TULP4: variants seen among roughly 807,000 people sequenced by gnomAD.
TULP4 encodes TUB like protein 4.
In TULP4, 16 loss-of-function variants were observed where a neutral mutation model predicts 129.0. That is an observed-to-expected ratio of 0.12 (90% confidence interval 0.08 to 0.19). TULP4 has a LOEUF of 0.19. Ranked by LOEUF, TULP4 falls within the 10% of genes least tolerant of loss-of-function variation. The pLI is 1.00. For synonymous variants in TULP4, 998 were observed against 854.0 expected (o/e 1.17, Z -2.94); for missense variants, 1,842 against 2,059.1 (o/e 0.89, Z 2.04).
chr6:158,449,960 C>T (rs1158060129), intron 4 of TULP4, among the ~76,000 whole-genome samples: 1 of 152,000 alleles, frequency 6.6e-6, no homozygotes, highest in African/African-American at 2.4e-5. Context: ...GTATAGTGAT[C>T]AGATCATTTT....
chr6:158,423,616 GTTAT>G (rs1207211843), intron 2 of TULP4, among the ~76,000 whole-genome samples: 1 of 138,644 alleles, frequency 7.2e-6, no homozygotes, highest in Non-Finnish European at 1.5e-5. Context: ...CTTGTTTGTT[GTTAT>G]TTGTTTTTGT....
intron 3 of TULP4, chr6:158,437,890 CT>C (rs1778787619): frequency 6.6e-6 from 1 of 152,150 alleles, no homozygotes; most frequent in African/African-American, 2.4e-5. Flanking sequence ...CTGTGGTTTG[CT>C]ATGTCATTCA....
chr6:158,450,960 G>A (rs1413618349), intron 4 of TULP4, among the ~76,000 whole-genome samples: 1 of 152,116 alleles, frequency 6.6e-6, no homozygotes, highest in East Asian at 1.9e-4. Flanking sequence ...AGCTACTCCG[G>A]AGGCTGAGGC....
upstream of TULP4, among the ~76,000 whole-genome samples, chr6:158,282,006 G>A (rs577583948): frequency 5.3e-5 from 8 of 152,144 alleles, no homozygotes; most frequent in South Asian, 1.7e-3. Context: ...TTCAGGCCAA[G>A]TTTTTTATAG....
intron 10 of TULP4, among the ~76,000 whole-genome samples, chr6:158,494,021 C>G (rs9364967): frequency 0.19 from 29,477 of 152,116 alleles, 3,835 homozygotes; most frequent in East Asian, 0.52. Flanking sequence ...TGCCCCCTCA[C>G]CCTCCGGGTG....
intron 6 of TULP4, among the ~76,000 whole-genome samples, chr6:158,469,264 G>A (rs963574784): frequency 2.0e-5 from 3 of 151,444 alleles, no homozygotes; most frequent in African/African-American, 7.3e-5. Context: ...CAGTACTAGT[G>A]AAAACAGACC....
At chr6:158,408,001 T>A (rs563521585) in intron 1 of TULP4, among the ~76,000 whole-genome samples, 2 of 152,244 alleles carry the variant, frequency 1.3e-5, no homozygotes, top group African/African-American at 4.8e-5. Context: ...AAAGCTGTTA[T>A]CCAACCCCTT....
intron 6 of TULP4, among the ~76,000 whole-genome samples, chr6:158,475,062 A>G (rs939468453): frequency 1.3e-5 from 2 of 152,268 alleles, no homozygotes; most frequent in African/African-American, 4.8e-5. Flanking sequence ...AGATAAAAAA[A>G]TGATTGGCTG....
chr6:158,422,552 T>C (rs1237631841), intron 2 of TULP4, among the ~76,000 whole-genome samples: 1 of 151,876 alleles, frequency 6.6e-6, no homozygotes, highest in Non-Finnish European at 1.5e-5. Flanking sequence ...CACGGACACA[T>C]GTGGAGCGGT....
chr6:158,450,430 C>T (rs2115137519), intron 4 of TULP4, among the ~76,000 whole-genome samples: 2 of 152,302 alleles, frequency 1.3e-5, no homozygotes, highest in Admixed American at 1.3e-4. Context: ...CAGCAGCAGA[C>T]ACGTATGTGT....
At chr6:158,462,906 C>A (rs912963805) in intron 6 of TULP4, among the ~76,000 whole-genome samples, 1 of 152,050 alleles carries the variant, frequency 6.6e-6, no homozygotes, top group South Asian at 2.1e-4. Flanking sequence ...CCCGCCACCA[C>A]GCCCGGCTAA....
At chr6:158,382,311 C>T (rs1777345867) in intron 1 of TULP4, among the ~76,000 whole-genome samples, 1 of 152,112 alleles carries the variant, frequency 6.6e-6, no homozygotes, top group African/African-American at 2.4e-5. Flanking sequence ...CATCCTTTAC[C>T]TCCTTGAGAA....
In TULP4 at chr6:158,494,835, A is replaced by G. The variant is rs777218871; in HGVS notation, c.1859A>G (p.Asn620Ser). ...GGCTTGGCTGCTTTCCTGCCAACCA[A>G]CCTCGGTGCAGGTAAAAATCATGTC... is the stretch of plus-strand genomic sequence containing the variant. ...IVGLAAFLPTNLGAVIYKTSL... is the reference protein window; with the variant it reads ...IVGLAAFLPTSLGAVIYKTSL... The change falls in exon 11 of 14, where the codon AAC becomes AGC. Residue 620 changes from asparagine to serine, a missense_variant. By Grantham distance (46) the Asn-to-Ser change is conservative. Around this residue, in one of 5 missense-constraint regions of TULP4, gnomAD observed 99 missense variants for 165.1 expected, o/e 0.60. Coordinates refer to ENST00000367097, the MANE Select transcript of TULP4 (RefSeq NM_020245.5). The G allele has an allele frequency of 6.2e-7, 1 of 1,614,074 alleles. No homozygotes were observed. Among genetic ancestry groups the G allele is most frequent in the South Asian group, 1.1e-5 (1 of 91,050 alleles).
intron 1 of TULP4, among the ~76,000 whole-genome samples, chr6:158,373,446 A>C (rs1777115155): frequency 6.6e-6 from 1 of 152,232 alleles, no homozygotes; most frequent in Non-Finnish European, 1.5e-5. Context: ...AAGGAGACTG[A>C]GTGAACAGTT....
At chr6:158,444,812 C>G (rs1194480115) in intron 3 of TULP4, among the ~76,000 whole-genome samples, 1 of 151,928 alleles carries the variant, frequency 6.6e-6, no homozygotes, top group African/African-American at 2.4e-5. Context: ...TATTGCATTG[C>G]TTTGTGTGTA....
At chr6:158,326,555 T>C (rs1334264094) in intron 1 of TULP4, among the ~76,000 whole-genome samples, 1 of 152,230 alleles carries the variant, frequency 6.6e-6, no homozygotes, top group African/African-American at 2.4e-5. Context: ...CTCCAGTATC[T>C]TCCTAAGAAA....
At chr6:158,280,048 T>C (rs1350555124), upstream of TULP4, among the ~76,000 whole-genome samples, 1 of 152,220 alleles carries the variant, frequency 6.6e-6, no homozygotes, top group Non-Finnish European at 1.5e-5. Flanking sequence ...GAAGTTAAAG[T>C]TGACAGTTTG....
intron 1 of TULP4, among the ~76,000 whole-genome samples, chr6:158,371,020 G>A (rs1415074128): frequency 6.6e-6 from 1 of 152,186 alleles, no homozygotes; most frequent in Non-Finnish European, 1.5e-5. Flanking sequence ...ACAGGCTCCT[G>A]CCAGAGGTCC....
At chr6:158,476,430 C>T (rs1180197802) in intron 6 of TULP4, among the ~76,000 whole-genome samples, 1 of 152,126 alleles carries the variant, frequency 6.6e-6, no homozygotes, top group Non-Finnish European at 1.5e-5. Flanking sequence ...CCTTTTTCTC[C>T]CAGGTTCTAA....
Sources: gnomAD v4.1 joint callset for allele counts (sites outside exome capture counted in the v4.1 genomes callset) on GRCh38, gnomAD v4.1.1 for gene constraint, gnomAD v4.1.1 regional missense constraint, MANE v1.5 for transcripts, NCBI Gene and HGNC (gene_info 2026-07-23, HGNC 2026-07-21) for gene names.